The following ITPR2 variants were observed in gnomAD, a reference collection of about 807,000 sequenced individuals.
ITPR2 encodes the protein inositol 1,4,5-trisphosphate-gated calcium channel ITPR2.
A neutral mutation model predicts 317.1 loss-of-function variants in ITPR2; 207 were observed. That is an observed-to-expected ratio of 0.65 (90% CI 0.58 to 0.73). The LOEUF (loss-of-function observed/expected upper bound fraction) is 0.73, where lower values mean the gene tolerates loss of function less well. Ranked by LOEUF, ITPR2 falls within the 30% of genes least tolerant of loss-of-function variation. The pLI, the probability that ITPR2 is intolerant of heterozygous loss-of-function variation, is 0.00. For synonymous variants in ITPR2, 1,156 were observed against 1,149.1 expected, an observed-to-expected ratio of 1.01 and a Z score of -0.12; for missense variants, 2,613 against 3,284.0, an observed-to-expected ratio of 0.80 and a Z score of 4.99.
Position 26,682,647 on chromosome 12 carries a change from A to T in ITPR2, c.1175T>A (p.Leu392Ter). The T allele has an allele frequency of 6.2e-7, 1 of 1,612,940 alleles. No individual in the cohort carries two copies. The highest frequency in any genetic ancestry group is 2.2e-5 in the East Asian group (1 of 44,860). Residue 392 changes from leucine (L) to a stop codon, truncating the protein, a stop_gained, in exon 12 of 57, where the codon TTA becomes TAA. Coordinates refer to ENST00000381340, the MANE Select transcript of ITPR2 (RefSeq NM_002223.4). LOFTEE classifies it high-confidence loss of function. ...PRNSYVRLRH[L>*]CTNTWVTSTS... ...ACTGGTTACCCATGTGTTGGTGCAT[A>T]AATGCCTTAACCGAACATATGAGTT...
chr12:26,609,814 TTATAACCAAA>T (rs978058914), intron 26 of ITPR2, among the ~76,000 whole-genome samples: 3 of 152,206 alleles, frequency 2.0e-5, no homozygotes, highest in Non-Finnish European at 2.9e-5. Context: ...AGAATTTATA[TTATAACCAAA>T]TAGGATAAGA....
intron 1 of ITPR2, among the ~76,000 whole-genome samples, chr12:26,816,682 T>C (rs917769061): frequency 1.1e-4 from 17 of 152,080 alleles, no homozygotes; most frequent in African/African-American, 4.1e-4. Flanking sequence ...AAAACTATAA[T>C]TGCGGTAAGT....
intron 1 of ITPR2, among the ~76,000 whole-genome samples, chr12:26,795,623 A>G (rs1196934082): frequency 6.6e-6 from 1 of 152,236 alleles, no homozygotes; most frequent in African/African-American, 2.4e-5. Context: ...CCCAAGGACA[A>G]TATAAAGAGA....
At chr12:26,453,006 A>G (rs1941776521) in intron 45 of ITPR2, among the ~76,000 whole-genome samples, 1 of 152,162 alleles carries the variant, frequency 6.6e-6, no homozygotes, top group Admixed American at 6.5e-5. Flanking sequence ...GAATTAATTT[A>G]TATGTTTATT....
At chr12:26,654,532 G>C (rs1269921484) in intron 20 of ITPR2, among the ~76,000 whole-genome samples, 2 of 152,112 alleles carry the variant, frequency 1.3e-5, no homozygotes, top group East Asian at 1.9e-4. Flanking sequence ...CTTGTGGATC[G>C]CACAGGACAT....
chr12:26,486,135 A>G lies in ITPR2; in HGVS notation c.5780T>C (p.Leu1927Ser). Residue 1927 changes from leucine to serine, a missense_variant, in exon 41 of 57, where the codon TTA (leucine) becomes TCA (serine). Leu to Ser is a moderately radical substitution (Grantham distance 145, BLOSUM62 -2). This residue lies in a region of ITPR2 where 926 missense variants were observed against 1,072.8 expected (regional missense o/e 0.86). Coordinates refer to ENST00000381340, the MANE Select transcript of ITPR2 (RefSeq NM_002223.4). The stretch of plus-strand genomic sequence containing the variant: ...TTCCCGGTTGTGATTCTCACACAGT[A>G]ACTGAAGAAATCTCAGTATTGGCTG... ...IMQPILRFLQ[L>S]LCENHNRELQ... The G allele has an allele frequency of 1.9e-6, 3 of 1,614,186 alleles. No individual in the cohort carries two copies. Among genetic ancestry groups the G allele is most frequent in the Non-Finnish European group, 2.5e-6 (3 of 1,179,994 alleles).
chr12:26,635,358 C>A (rs1212073877), intron 21 of ITPR2, among the ~76,000 whole-genome samples: 3 of 152,158 alleles, frequency 2.0e-5, no homozygotes, highest in Admixed American at 2.0e-4. Flanking sequence ...TATTTATTCT[C>A]TCTTTTTATT....
intron 55 of ITPR2, among the ~76,000 whole-genome samples, chr12:26,379,304 C>T (rs754868085): frequency 3.4e-4 from 52 of 152,156 alleles, no homozygotes; most frequent in Non-Finnish European, 5.0e-4. Flanking sequence ...AGGCACTTAT[C>T]TAATGTCAGC....
At chr12:26,633,617 C>T (rs1946800336) in intron 21 of ITPR2, among the ~76,000 whole-genome samples, 1 of 152,200 alleles carries the variant, frequency 6.6e-6, no homozygotes, top group Admixed American at 6.5e-5. Context: ...AGCCTTGAGG[C>T]AGAATGCTTC....
chr12:26,760,348 T>G (rs1949608416), intron 2 of ITPR2, among the ~76,000 whole-genome samples: 1 of 152,196 alleles, frequency 6.6e-6, no homozygotes, highest in African/African-American at 2.4e-5. Flanking sequence ...TTTACAAAAA[T>G]TATTTTATTT....
intron 37 of ITPR2, among the ~76,000 whole-genome samples, chr12:26,525,724 C>T (rs959641922): frequency 2.6e-5 from 4 of 152,076 alleles, no homozygotes; most frequent in Admixed American, 1.3e-4. Flanking sequence ...TTTCACTTAC[C>T]CTTGTTCTCC....
At chr12:26,832,191 G>T (rs1385108979) in intron 1 of ITPR2, among the ~76,000 whole-genome samples, 1 of 152,114 alleles carries the variant, frequency 6.6e-6, no homozygotes, top group Non-Finnish European at 1.5e-5. Flanking sequence ...AGCTCCTCCC[G>T]CAGGACAACG....
rs186743269 is a variant in ITPR2 at position 26,644,853 on chromosome 12, T to C, written c.2740+9123A>G. ...AACTGTGAGAAATAATTGCTTGTTG[T>C]TTACAAGCCACCCAGTCTATGGTAT... On this transcript the variant is annotated intron_variant, in intron 21 of 56. Transcript: ENST00000381340. Among the ~76,000 whole-genome samples, 5 of 152,292 alleles carry C rather than the reference T, an allele frequency of 3.3e-5. No homozygotes were observed. The East Asian group carries it at 9.7e-4, about 29-fold the overall frequency.
chr12:26,410,366 G>A (rs1401648468), intron 52 of ITPR2, among the ~76,000 whole-genome samples: 1 of 152,002 alleles, frequency 6.6e-6, no homozygotes, highest in Non-Finnish European at 1.5e-5. Flanking sequence ...CTCTCTTTAG[G>A]TCAAGAAGCA....
chr12:26,672,872 C>A (rs1364258167), intron 13 of ITPR2, among the ~76,000 whole-genome samples: 3 of 151,974 alleles, frequency 2.0e-5, no homozygotes, highest in Non-Finnish European at 4.4e-5. Context: ...GGGGATATCA[C>A]CACCGATCCC....
chr12:26,566,916 C>G (rs1296043601), intron 34 of ITPR2, among the ~76,000 whole-genome samples: 1 of 152,148 alleles, frequency 6.6e-6, no homozygotes, highest in Non-Finnish European at 1.5e-5. Context: ...ATGATCAAAT[C>G]CTGGCAAGAT....
chr12:26,674,496 T>G (rs916726441), intron 13 of ITPR2, among the ~76,000 whole-genome samples: 19 of 152,204 alleles, frequency 1.2e-4, no homozygotes, highest in Admixed American at 2.6e-4. Flanking sequence ...TAGCCATATG[T>G]AGAAAGCTGA....
chr12:26,546,364 C>T (rs1432468381), intron 37 of ITPR2, among the ~76,000 whole-genome samples: 1 of 152,164 alleles, frequency 6.6e-6, no homozygotes, highest in Admixed American at 6.5e-5. Context: ...CCTTCCCAGT[C>T]TCTGTTACCT....
intron 21 of ITPR2, among the ~76,000 whole-genome samples, chr12:26,634,549 T>C (rs975124520): frequency 6.6e-6 from 1 of 152,102 alleles, no homozygotes; most frequent in Non-Finnish European, 1.5e-5. Flanking sequence ...TGTAATGAGA[T>C]AATTTGAAAA....
Sources: allele counts gnomAD v4.1 joint callset (sites outside exome capture counted in the v4.1 genomes callset), GRCh38; gene constraint gnomAD v4.1.1; regional missense constraint gnomAD v4.1.1; transcripts MANE v1.5; gene names NCBI Gene and HGNC (gene_info 2026-07-23, HGNC 2026-07-21).